The following UFD1 variants were observed in gnomAD, a reference collection of about 807,000 sequenced individuals.
The protein encoded by UFD1 is ubiquitin recognition factor in ER-associated degradation protein 1.
In UFD1, 13 loss-of-function variants were observed where a neutral mutation model predicts 45.9. That is an observed-to-expected ratio of 0.28 (90% CI 0.18 to 0.45). UFD1 has a LOEUF of 0.45. Ranked by LOEUF, UFD1 falls within the 20% of genes least tolerant of loss-of-function variation. UFD1 has a pLI of 1.00. For synonymous variants in UFD1, 128 were observed against 139.2 expected, an observed-to-expected ratio of 0.92 and a Z score of 0.56; for missense variants, 218 against 389.2, an observed-to-expected ratio of 0.56 and a Z score of 3.70.
intron 1 of UFD1, 89 bp from the exon 2 acceptor site, chr22:19,475,691 T>C (rs1172047789): frequency 6.9e-7 from 1 of 1,440,788 alleles, no homozygotes; most frequent in African/African-American, 1.4e-5. Context: ...TTAATGCTAC[T>C]AAACATTGTC....
intron 4 of UFD1, chr22:19,470,672 C>T (rs1413398518): frequency 2.2e-6 from 1 of 448,906 alleles, no homozygotes; most frequent in Non-Finnish European, 4.5e-6. Context: ...GAACTCCTGA[C>T]CTCAAGTGAT....
chr22:19,454,877 G>A (rs1471907752), intron 10 of UFD1, 47 bp from the exon 11 acceptor site: 3 of 1,584,290 alleles, frequency 1.9e-6, no homozygotes, highest in Admixed American at 3.5e-5. Flanking sequence ...CAGGAAAAAA[G>A]GACTAAAATT....
In UFD1 at chr22:19,456,868, C is replaced by T. The variant is rs951656887; in HGVS notation, c.615G>A (p.Gln205=). ...LGYKEPERQV[Q]HEESTEGEAD... ...TAACACTTACTGTCGACTCCTCATG[C>T]TGGACTTGTCTTTCGGGTTCTTTGT... Residue 205 remains glutamine, a synonymous_variant, in exon 8 of 12, where the codon CAG becomes CAA. Coordinates refer to ENST00000263202, the MANE Select transcript of UFD1 (RefSeq NM_005659.7). 2.5e-6 allele frequency: 4 copies of T among 1,613,140 alleles called. No homozygotes were observed. Among genetic ancestry groups the T allele is most frequent in the Non-Finnish European group, 8.5e-7 (1 of 1,179,564 alleles).
intron 6 of UFD1, among the ~76,000 whole-genome samples, chr22:19,460,164 AGGATCTGTCATTGTGT>A (rs1291445081): frequency 6.6e-6 from 1 of 152,230 alleles, no homozygotes; most frequent in Non-Finnish European, 1.5e-5. Flanking sequence ...GAATAAAAAA[AGGATCTGTCATTGTGT>A]GGATATACTA....
At chr22:19,467,820 C>T (rs753142035) in intron 5 of UFD1, 53 bp downstream of exon 5, 9 of 1,605,630 alleles carry the variant, frequency 5.6e-6, no homozygotes, top group South Asian at 3.3e-5. Context: ...GTTTAACAAC[C>T]GCCAGCACAC....
chr22:19,457,407 G>A (rs1045902342), intron 7 of UFD1, among the ~76,000 whole-genome samples: 5 of 152,288 alleles, frequency 3.3e-5, no homozygotes, highest in Admixed American at 6.5e-5. Flanking sequence ...AACTTTTTGG[G>A]ATTGGCTTTT....
Position 19,475,553 on chromosome 22 carries a change from C to A in UFD1, c.53G>T (p.Arg18Leu). ...GAAGCAGCGGTACTGTGTGGAGAAG[C>A]GGTTTTGGAAGACCCTGGGAATAGG... is the stretch of plus-strand genomic sequence containing the variant. The part of the protein sequence containing the change: ...DHPIPRVFQN[R>L]FSTQYRCFSV... The change falls in exon 2 of 12, where the codon CGC becomes CTC. Residue 18 changes from arginine to leucine, a missense_variant. Coordinates refer to ENST00000263202, the MANE Select transcript of UFD1 (RefSeq NM_005659.7). 1 of 1,614,120 alleles carries A rather than the reference C, an allele frequency of 6.2e-7. No homozygotes were observed. The highest frequency in any genetic ancestry group is 8.5e-7 in the Non-Finnish European group (1 of 1,180,018).
At chr22:19,454,367 G>A in intron 11 of UFD1, 1 of 1,002,120 alleles carries the variant, frequency 1.0e-6, no homozygotes. Flanking sequence ...GGACCAGGTG[G>A]GAGGTAACTG....
chr22:19,453,754 C>G, intron 11 of UFD1: 1 of 985,522 alleles, frequency 1.0e-6, no homozygotes, highest in Non-Finnish European at 1.2e-6. Flanking sequence ...TGGTCTCTGT[C>G]CCCAACCACC....
At position 19,456,858 on chromosome 22, in the gene UFD1, ACTC is replaced by A. The variant is rs761908344; in HGVS notation, c.622_624del (p.Glu208del). The A allele has an allele frequency of 3.7e-6, 6 of 1,613,188 alleles. No homozygotes were observed. In the East Asian group the frequency reaches 1.1e-4, roughly 30 times the overall value. Reference sequence around the variant, plus strand: ...ACACTGAGGATAACACTTACTGTCGACTCCTCATGCTGGACTTGTCTTTCGGGT... The same window carrying A: ...ACACTGAGGATAACACTTACTGTCGACTCATGCTGGACTTGTCTTTCGGGT... On this transcript the variant is annotated inframe_deletion, in exon 8 of 12. Transcript: ENST00000263202.
At chr22:19,467,557 G>A (rs2089812161) in intron 5 of UFD1, 2 of 267,744 alleles carry the variant, frequency 7.5e-6, no homozygotes, top group Admixed American at 4.9e-5. Context: ...AGGCAGATAA[G>A]CTGCTCCCTC....
rs566558307 is a variant in UFD1, at chr22:19,477,154, C to T, written c.4-1552G>A. Among the ~76,000 whole-genome samples the T allele has an allele frequency of 2.6e-5, 4 of 152,174 alleles. No homozygotes were observed. The East Asian group carries it at 7.7e-4, about 29-fold the overall frequency. The stretch of plus-strand genomic sequence containing the variant: ...AATATTTTTGGACCATGGTTGACCT[C>T]GGGTAACTGAAACCACCTAAAATCT... On this transcript the variant is annotated intron_variant, in intron 1 of 11. Coordinates refer to ENST00000263202, the MANE Select transcript of UFD1 (RefSeq NM_005659.7).
At chr22:19,455,571 G>A in intron 10 of UFD1, 109 bp downstream of exon 10, 1 of 994,700 alleles carries the variant, frequency 1.0e-6, no homozygotes, top group South Asian at 1.5e-5. Flanking sequence ...AGTCCCTTGG[G>A]AGACTACTGA....
Position 19,454,372 on chromosome 22 carries a change from T to C in UFD1, c.849+377A>G, listed in dbSNP as rs2089706217. On this transcript the variant is annotated intron_variant, in intron 11 of 11. Coordinates refer to ENST00000263202, the MANE Select transcript of UFD1 (RefSeq NM_005659.7). Reference sequence around the variant, plus strand: ...GTTGTGGGAGGGACCAGGTGGGAGGTAACTGAGTCGGTGGGAGGTAACTGA... The same window carrying C: ...GTTGTGGGAGGGACCAGGTGGGAGGCAACTGAGTCGGTGGGAGGTAACTGA... The C allele has an allele frequency of 3.0e-6, 3 of 993,068 alleles. No individual in the cohort carries two copies. The African/African-American group carries it at 5.3e-5, about 17-fold the overall frequency. 61.5% of individuals were successfully genotyped at this position (993,068 alleles called of 1,614,324 possible).
intron 11 of UFD1, chr22:19,451,021 G>A (rs1320526813): frequency 9.2e-7 from 1 of 1,085,782 alleles, no homozygotes; most frequent in East Asian, 5.2e-5. Context: ...CTACTTGGGA[G>A]GCTGAGACGG....
At chr22:19,475,001 C>T in intron 3 of UFD1, 67 bp downstream of exon 3, 8 of 1,459,448 alleles carry the variant, frequency 5.5e-6, no homozygotes, top group Admixed American at 1.9e-5. Flanking sequence ...TACTGAGGAG[C>T]CCATGCTGAC....
At chr22:19,471,616 A>G in intron 4 of UFD1, 71 bp downstream of exon 4, 1 of 1,577,146 alleles carries the variant, frequency 6.3e-7, no homozygotes, top group Non-Finnish European at 8.6e-7. Context: ...CTCCAGGGCC[A>G]GGACTCTCGA....
chr22:19,454,481 T>G (rs1276835172), intron 11 of UFD1: 11 of 778,314 alleles, frequency 1.4e-5, no homozygotes, highest in East Asian at 4.9e-5. Flanking sequence ...AGTAGGTGTT[T>G]CCCTGCACCA....
At chr22:19,461,054 G>A (rs1433833279) in intron 6 of UFD1, among the ~76,000 whole-genome samples, 1 of 152,140 alleles carries the variant, frequency 6.6e-6, no homozygotes, top group East Asian at 1.9e-4. Flanking sequence ...CGGTGTCCAG[G>A]TGATTCTACT....
Sources: allele counts gnomAD v4.1 joint callset (sites outside exome capture counted in the v4.1 genomes callset), GRCh38; gene constraint gnomAD v4.1.1; transcripts MANE v1.5; gene names NCBI Gene and HGNC (gene_info 2026-07-23, HGNC 2026-07-21).